Variants in ADAMTS20 observed in about 807,000 individuals in gnomAD.
The protein encoded by ADAMTS20 is ADAM metallopeptidase with thrombospondin type 1 motif 20, also known as A disintegrin and metalloproteinase with thrombospondin motifs 20.
A neutral mutation model predicts 260.1 loss-of-function variants in ADAMTS20; 225 were observed. The observed-to-expected ratio is 0.87, with a 90% CI of 0.78 to 0.97. The LOEUF is 0.97. Ranked by LOEUF, ADAMTS20 falls within the 50% of genes least tolerant of loss-of-function variation. The pLI is 0.00. For synonymous variants in ADAMTS20, 802 were observed against 769.5 expected (o/e 1.04, Z -0.70); for missense variants, 2,400 against 2,337.7 (o/e 1.03, Z -0.55).
intron 7 of ADAMTS20, among the ~76,000 whole-genome samples, chr12:43,470,091 G>A (rs906187246): frequency 6.6e-6 from 1 of 152,164 alleles, no homozygotes; most frequent in African/African-American, 2.4e-5. Context: ...CCTCTGTAGA[G>A]TGTGAGGGAA....
chr12:43,538,917 T>A (rs537369745), intron 2 of ADAMTS20, among the ~76,000 whole-genome samples: 2 of 150,664 alleles, frequency 1.3e-5, no homozygotes, highest in South Asian at 4.2e-4. Context: ...TCCTATATCC[T>A]TGGGTAAATA....
rs1369781946 is a variant in ADAMTS20 at position 43,551,368 on chromosome 12, C to A, written c.92-98G>T. ...AACGTCCCCGCTAAAGGTCCCAGGTCCCAGTACAGCCAGGGGCAAGACAAA... is the reference window on the plus strand; with the variant it reads ...AACGTCCCCGCTAAAGGTCCCAGGTACCAGTACAGCCAGGGGCAAGACAAA... On this transcript the variant is annotated intron_variant, in intron 1 of 38. Coordinates refer to ENST00000389420, the MANE Select transcript of ADAMTS20 (RefSeq NM_025003.5). The surrounding 1 kb of genome is among the most constrained non-coding windows in gnomAD (Gnocchi z 4.6). 4.0e-6 allele frequency: 6 copies of A among 1,484,788 alleles called. No homozygotes were observed. The highest frequency in any genetic ancestry group is 5.4e-6 in the Non-Finnish European group (6 of 1,116,466). 92.0% of individuals were successfully genotyped at this position (1,484,788 alleles called of 1,614,324 possible).
intron 7 of ADAMTS20, among the ~76,000 whole-genome samples, chr12:43,481,042 A>G (rs1180304292): frequency 6.6e-6 from 1 of 152,196 alleles, no homozygotes; most frequent in East Asian, 1.9e-4. Context: ...ACGTATATCA[A>G]AACACTACAT....
chr12:43,448,170 C>T (rs1424085870), intron 14 of ADAMTS20, among the ~76,000 whole-genome samples: 19 of 152,012 alleles, frequency 1.2e-4, no homozygotes, highest in Admixed American at 8.5e-4. Flanking sequence ...AAAAAAAGAG[C>T]CTGAATAGCC....
intron 38 of ADAMTS20, among the ~76,000 whole-genome samples, chr12:43,355,304 C>T (rs1382759124): frequency 6.6e-6 from 1 of 152,080 alleles, no homozygotes; most frequent in Admixed American, 6.6e-5. Flanking sequence ...AACTTATTGG[C>T]AAAGGAAAAT....
At chr12:43,434,999 G>A (rs1941523165) in intron 18 of ADAMTS20, among the ~76,000 whole-genome samples, 1 of 151,298 alleles carries the variant, frequency 6.6e-6, no homozygotes, top group South Asian at 2.1e-4. Flanking sequence ...AAAGATCAGT[G>A]TCTGTCACCA....
Position 43,428,524 on chromosome 12 carries a change from GCTGAACA to G in ADAMTS20, c.3655_3661del (p.Cys1219LeufsTer15). ...AGTTGTTTTTCCATGGCCACAGGAA[GCTGAACA>G]CTGATCAAAAATTTAGCCAATGGTA... On this transcript the variant is annotated frameshift_variant and splice_region_variant, in exon 26 of 39. Transcript: ENST00000389420. LOFTEE classifies it high-confidence loss of function. The G allele has an allele frequency of 6.2e-7, 1 of 1,610,242 alleles. No individual in the cohort carries two copies. Among genetic ancestry groups the G allele is most frequent in the Non-Finnish European group, 8.5e-7 (1 of 1,177,454 alleles).
intron 4 of ADAMTS20, among the ~76,000 whole-genome samples, chr12:43,500,522 T>TA (rs1942743415): frequency 6.6e-6 from 1 of 152,220 alleles, no homozygotes; most frequent in Admixed American, 6.5e-5. Flanking sequence ...GTAATATATG[T>TA]AGGTAATTTT....
In ADAMTS20 at chr12:43,445,869, A is replaced by G. The variant is rs1941751126; in HGVS notation, c.2197+726T>C. Among the ~76,000 whole-genome samples, 5 of 152,156 alleles carry G rather than the reference A, an allele frequency of 3.3e-5. No individual in the cohort carries two copies. In the South Asian group the frequency reaches 1.0e-3, roughly 31 times the overall value. On this transcript the variant is annotated intron_variant, in intron 15 of 38. Transcript: ENST00000389420. ...CCTGTCTCTAAATAAATAAATGAAT[A>G]AATAAGGTTGTAAGAAATAAATTTA...
chr12:43,464,456 C>T (rs1402402372), intron 10 of ADAMTS20, 135 bp downstream of exon 10: 2 of 1,128,924 alleles, frequency 1.8e-6, no homozygotes, highest in Non-Finnish European at 2.4e-6. Context: ...CTTTTCTTAA[C>T]CTCTTTTTGA....
Position 43,405,417 on chromosome 12 carries a change from CTAATAATAATAATAATAATAATAA to C in ADAMTS20, c.4285-6208_4285-6185del, listed in dbSNP as rs66970122. On this transcript the variant is annotated intron_variant, in intron 28 of 38. Coordinates refer to ENST00000389420, the MANE Select transcript of ADAMTS20 (RefSeq NM_025003.5). ...TGGGCAACAGAAGAAGACGTCTTCT[CTAATAATAATAATAATAATAATAA>C]TAATAATAATAATAATAATAAATTA... 8.8e-5 allele frequency among the ~76,000 whole-genome samples: 12 copies of C among 135,764 alleles called. No individual in the cohort carries two copies. In the South Asian group the frequency reaches 9.8e-4, roughly 11 times the overall value. The allele number at this position is 135,764 out of a possible 152,430, so 89.1% of individuals were successfully genotyped here.
At chr12:43,507,530 C>T (rs1019603388) in intron 3 of ADAMTS20, among the ~76,000 whole-genome samples, 3 of 152,160 alleles carry the variant, frequency 2.0e-5, no homozygotes, top group African/African-American at 7.2e-5. Flanking sequence ...CTGTTAATAT[C>T]GCACTGCCTG....
intron 31 of ADAMTS20, among the ~76,000 whole-genome samples, chr12:43,379,870 T>C (rs1275293616): frequency 6.6e-6 from 1 of 152,000 alleles, no homozygotes; most frequent in Admixed American, 6.5e-5. Context: ...CAGGACCAAA[T>C]GCTTAAAGAA....
chr12:43,451,074 T>C (rs972018604), intron 14 of ADAMTS20, among the ~76,000 whole-genome samples: 1 of 152,206 alleles, frequency 6.6e-6, no homozygotes, highest in African/African-American at 2.4e-5. Context: ...CTGGTTTATA[T>C]ACAAAATGGT....
intron 3 of ADAMTS20, among the ~76,000 whole-genome samples, chr12:43,531,002 T>C (rs897629283): frequency 6.6e-6 from 1 of 151,772 alleles, no homozygotes; most frequent in African/African-American, 2.4e-5. Flanking sequence ...GGAGAAACTC[T>C]CAAAAACAGG....
chr12:43,482,530 T>C (rs1411488125), intron 7 of ADAMTS20, among the ~76,000 whole-genome samples: 1 of 150,352 alleles, frequency 6.7e-6, no homozygotes, highest in Admixed American at 6.6e-5. Flanking sequence ...GTAGATTCTT[T>C]TGTGTAGCAG....
In ADAMTS20 at chr12:43,447,387, A is replaced by G. The variant is rs1941782581; in HGVS notation, c.2080-675T>C. The stretch of plus-strand genomic sequence containing the variant: ...CATCACATAAACAGAACAAAATACA[A>G]AAATCACATGATTATCTCAATAGAT... On this transcript the variant is annotated intron_variant, in intron 14 of 38. Transcript: ENST00000389420. Among the ~76,000 whole-genome samples the G allele has an allele frequency of 2.0e-5, 3 of 152,212 alleles. No homozygotes were observed. The South Asian group carries it at 6.2e-4, about 32-fold the overall frequency.
intron 6 of ADAMTS20, among the ~76,000 whole-genome samples, chr12:43,492,242 T>C (rs1439329796): frequency 1.3e-5 from 2 of 151,278 alleles, no homozygotes; most frequent in Non-Finnish European, 2.9e-5. Flanking sequence ...TAGCCGGGCG[T>C]GGTGGCGGGC....
chr12:43,488,753 A>C (rs967533494), intron 7 of ADAMTS20, among the ~76,000 whole-genome samples: 1 of 152,210 alleles, frequency 6.6e-6, no homozygotes, highest in East Asian at 1.9e-4. Flanking sequence ...GCAAATTTAC[A>C]ATACTTAAAT....
Sources: gnomAD v4.1 joint callset for allele counts (sites outside exome capture counted in the v4.1 genomes callset) on GRCh38, gnomAD v4.1.1 for gene constraint, Gnocchi (gnomAD v3.1) non-coding constraint, MANE v1.5 for transcripts, NCBI Gene and HGNC (gene_info 2026-07-23, HGNC 2026-07-21) for gene names.